FKBP6: variants seen among roughly 807,000 people sequenced by gnomAD.
FKBP6 encodes inactive peptidyl-prolyl cis-trans isomerase FKBP6.
In FKBP6, 29 loss-of-function variants were observed where a neutral mutation model predicts 41.7. The ratio of observed to expected loss-of-function variants is 0.70; its 90% CI spans 0.52 to 0.95. The LOEUF is 0.95. Ranked by LOEUF, FKBP6 falls within the 40% of genes least tolerant of loss-of-function variation. The pLI, the probability that FKBP6 is intolerant of heterozygous loss-of-function variation, is 0.00. For synonymous variants in FKBP6, 130 were observed against 165.1 expected (o/e 0.79, Z 1.63); for missense variants, 338 against 408.7 (o/e 0.83, Z 1.49).
intron 8 of FKBP6, among the ~76,000 whole-genome samples, chr7:73,345,343 C>T (rs894101793): frequency 5.9e-5 from 9 of 151,944 alleles, no homozygotes; most frequent in African/African-American, 1.5e-4. Context: ...GCCTTAGGGA[C>T]TCAGTCTCCC....
chr7:73,348,821 TG>T (rs1296255903), intron 8 of FKBP6, among the ~76,000 whole-genome samples: 5 of 152,172 alleles, frequency 3.3e-5, no homozygotes, highest in Admixed American at 6.5e-5. Flanking sequence ...AGGATACAAA[TG>T]GGCCAGACAT....
Position 73,329,341 on chromosome 7 carries a change from A to G in FKBP6, c.176-19A>G. On this transcript the variant is annotated intron_variant, in intron 2 of 8. Transcript: ENST00000252037. ...GGTGTTTTTGGTCCATTTTCCTTAC[A>G]TTCTTTCTTCTATCCTAGTGAAATA... is the stretch of plus-strand genomic sequence containing the variant. 6.8e-7 allele frequency: 1 copy of G among 1,477,880 alleles called. No individual in the cohort carries two copies. Among genetic ancestry groups the G allele is most frequent in the East Asian group, 2.3e-5 (1 of 44,250 alleles). 91.5% of individuals were successfully genotyped at this position (1,477,880 alleles called of 1,614,324 possible).
chr7:73,329,480 G>C, intron 3 of FKBP6, 31 bp downstream of exon 3: 1 of 1,329,884 alleles, frequency 7.5e-7, no homozygotes. Context: ...GGAGAAGAAG[G>C]AATTGTTTAG....
At chr7:73,329,939 T>A in intron 3 of FKBP6, 1 of 615,212 alleles carries the variant, frequency 1.6e-6, no homozygotes. Flanking sequence ...TTCCTGGAAG[T>A]GGGGGCATTT....
At position 73,328,178 on chromosome 7, in the gene FKBP6, C is replaced by T. The variant is rs4717749; in HGVS notation, c.-251C>T. ...CGTGTCCCATCATGTTTCGTGCGCT[C>T]CCATTACGGATCATACCTCGCACCT... is the stretch of plus-strand genomic sequence containing the variant. On this transcript the variant is annotated 5_prime_UTR_variant, in exon 1 of 9. Coordinates refer to ENST00000252037, the MANE Select transcript of FKBP6 (RefSeq NM_003602.5). 1,899 of 1,542,042 alleles carry T rather than the reference C, an allele frequency of 1.2e-3. 27 individuals are homozygous for T. The African/African-American group carries it at 0.023, about 19-fold the overall frequency.
At chr7:73,333,036 C>T (rs1373029447) in intron 5 of FKBP6, among the ~76,000 whole-genome samples, 1 of 152,162 alleles carries the variant, frequency 6.6e-6, no homozygotes, top group Non-Finnish European at 1.5e-5. Flanking sequence ...CTTTGGGAGG[C>T]TGAGGCGAGT....
chr7:73,352,408 A>T (rs1805515711), intron 8 of FKBP6, among the ~76,000 whole-genome samples: 1 of 152,188 alleles, frequency 6.6e-6, no homozygotes, highest in Non-Finnish European at 1.5e-5. Flanking sequence ...CCAAACACCA[A>T]CCTGGATAAT....
chr7:73,329,816 C>T (rs1804778331), intron 3 of FKBP6: 2 of 525,108 alleles, frequency 3.8e-6, no homozygotes, highest in South Asian at 2.1e-5. Context: ...AGGAGACTGA[C>T]CTGCACTCAG....
In FKBP6 at chr7:73,331,654, C is replaced by G. The variant is rs782727542; in HGVS notation, c.469-3C>G. On this transcript the variant is annotated splice_polypyrimidine_tract_variant and splice_region_variant and intron_variant, in intron 4 of 8. Transcript: ENST00000252037. ...GCTGAATATTCCTGTCTCTGGTCCT[C>G]AGGAGCAGCAAGACCAATTTCCACT... The G allele has an allele frequency of 2.5e-6, 4 of 1,613,968 alleles. No individual in the cohort carries two copies. The South Asian group carries it at 4.4e-5, about 18-fold the overall frequency.
chr7:73,331,903 G>A lies in FKBP6; in HGVS notation c.588+127G>A, dbSNP rs782084742. On this transcript the variant is annotated intron_variant, in intron 5 of 8. Transcript: ENST00000252037. The stretch of plus-strand genomic sequence containing the variant: ...TTTGAGACAAGAGTGTCGCTCTGTC[G>A]CCCAGGCTGGAGTGCAGTGGCGCAA... 52 of 982,826 alleles carry A rather than the reference G, an allele frequency of 5.3e-5. No individual in the cohort carries two copies. In the East Asian group the frequency reaches 5.9e-4, roughly 11 times the overall value. 60.9% of individuals were successfully genotyped at this position (982,826 alleles called of 1,614,324 possible).
At chr7:73,337,391 T>C (rs1183373007) in intron 5 of FKBP6, among the ~76,000 whole-genome samples, 1 of 142,304 alleles carries the variant, frequency 7.0e-6, no homozygotes, top group Non-Finnish European at 1.5e-5. Flanking sequence ...TCGGCCTCAC[T>C]ACAACCTCCG....
intron 8 of FKBP6, 69 bp from the exon 9 acceptor site, chr7:73,358,112 C>T (rs1165002679): frequency 6.6e-6 from 1 of 152,086 alleles, no homozygotes; most frequent in African/African-American, 2.4e-5. Flanking sequence ...GCCCTCAGCA[C>T]ATGTGACTGT....
chr7:73,350,574 C>G (rs578156439), intron 8 of FKBP6, among the ~76,000 whole-genome samples: 135 of 152,246 alleles, frequency 8.9e-4, no homozygotes, highest in African/African-American at 2.9e-3. Context: ...AAGCTGAAGC[C>G]TTTGGGCTGT....
Position 73,328,449 on chromosome 7 carries a change from C to A in FKBP6, c.21C>A (p.Asn7Lys). 1 of 1,553,548 alleles carries A rather than the reference C, an allele frequency of 6.4e-7. No individual in the cohort carries two copies. Among genetic ancestry groups the A allele is most frequent in the Admixed American group, 2.0e-5 (1 of 50,414 alleles). ...AGGACATGGGGGGAAGCGCGTTAAA[C>A]CAGGGAGTCCTGGAAGGGGACGACG... MGGSAL[N>K]QGVLEGDDAP... is the part of the protein sequence containing the mutation. The change falls in exon 1 of 9, where the codon AAC (asparagine) becomes AAA (lysine). Residue 7 changes from asparagine (N) to lysine (K), a missense_variant. Asn to Lys is a moderately conservative substitution (Grantham distance 94). Around this residue, in one of 2 missense-constraint regions of FKBP6, gnomAD observed 99 missense variants for 158.6 expected, o/e 0.62. Transcript: ENST00000252037.
chr7:73,349,546 CAAAAAAAAAAAA>C, intron 8 of FKBP6, among the ~76,000 whole-genome samples: 1 of 48,690 alleles, frequency 2.1e-5, no homozygotes, highest in Middle Eastern at 0.012. Flanking sequence ...TACTAAAATA[CAAAAAAAAAAAA>C]AAAAAAAAAT....
At chr7:73,331,801 G>GT (rs782438676) in intron 5 of FKBP6, 25 bp downstream of exon 5, 2 of 1,607,212 alleles carry the variant, frequency 1.2e-6, no homozygotes, top group South Asian at 1.1e-5. Flanking sequence ...AAAGTTAAGT[G>GT]TAAGTTTAGA....
intron 3 of FKBP6, chr7:73,329,764 G>A: frequency 1.9e-6 from 1 of 532,998 alleles, no homozygotes; most frequent in Non-Finnish European, 3.4e-6. Context: ...GTACTCAGAA[G>A]ATTAGAACAT....
intron 5 of FKBP6, among the ~76,000 whole-genome samples, chr7:73,335,219 G>A (rs1554548374): frequency 6.6e-6 from 1 of 151,944 alleles, no homozygotes. Context: ...TTCACAGAGG[G>A]TTTCCTCAAA....
intron 3 of FKBP6, 94 bp from the exon 4 acceptor site, chr7:73,330,056 G>A: frequency 1.1e-6 from 1 of 870,052 alleles, no homozygotes; most frequent in Non-Finnish European, 1.9e-6. Flanking sequence ...AGACATGGAG[G>A]CCAGAGTACT....
Sources: allele counts gnomAD v4.1 joint callset (sites outside exome capture counted in the v4.1 genomes callset), GRCh38; gene constraint gnomAD v4.1.1; regional missense constraint gnomAD v4.1.1; transcripts MANE v1.5; gene names NCBI Gene and HGNC (gene_info 2026-07-23, HGNC 2026-07-21).